The following ATP10A variants were observed in gnomAD, a reference collection of about 807,000 sequenced individuals.
ATP10A encodes the protein ATPase phospholipid transporting 10A (putative).
In ATP10A, 111 loss-of-function variants were observed where a neutral mutation model predicts 147.8. The observed-to-expected ratio is 0.75, with a 90% CI of 0.64 to 0.88. ATP10A has a LOEUF of 0.88. ATP10A is among the 40% of genes least tolerant of loss of function. The pLI is 0.00. For synonymous variants in ATP10A, 875 were observed against 841.6 expected (o/e 1.04, Z -0.69); for missense variants, 1,927 against 1,959.0 (o/e 0.98, Z 0.31).
At chr15:25,700,659 C>G (rs1900608129) in intron 13 of ATP10A, among the ~76,000 whole-genome samples, 2 of 152,000 alleles carry the variant, frequency 1.3e-5, no homozygotes, top group African/African-American at 4.8e-5. Context: ...TTGGTGGCTT[C>G]CAGAGGTTAG....
At chr15:25,745,562 A>G (rs1258981809) in intron 2 of ATP10A, among the ~76,000 whole-genome samples, 5 of 152,282 alleles carry the variant, frequency 3.3e-5, no homozygotes, top group African/African-American at 1.2e-4. Flanking sequence ...TCTCTGCTAT[A>G]AGAAAGAGAG....
chr15:25,685,128 A>G (rs538251136), intron 16 of ATP10A, among the ~76,000 whole-genome samples: 1 of 152,280 alleles, frequency 6.6e-6, no homozygotes, highest in Admixed American at 6.5e-5. Context: ...CTATAGTACC[A>G]AAAAGCTTTC....
intron 1 of ATP10A, among the ~76,000 whole-genome samples, chr15:25,838,110 G>A (rs1448355592): frequency 6.6e-6 from 1 of 152,062 alleles, no homozygotes; most frequent in Non-Finnish European, 1.5e-5. Flanking sequence ...AACGTGTAGA[G>A]CAATGATGAT....
chr15:25,709,333 C>T (rs566596778), intron 10 of ATP10A: 21 of 152,298 alleles, frequency 1.4e-4, no homozygotes, highest in African/African-American at 4.3e-4. Context: ...TCTTTGTATT[C>T]CTGGTATCGT....
At chr15:25,822,272 T>C (rs1396577844) in intron 1 of ATP10A, among the ~76,000 whole-genome samples, 1 of 152,186 alleles carries the variant, frequency 6.6e-6, no homozygotes, top group East Asian at 1.9e-4. Context: ...GCTGTGTGTG[T>C]TATTTACAAA....
rs1567382049 is a variant in ATP10A at position 25,784,948 on chromosome 15, G to GATT, written c.450-3726_450-3725insAAT. On this transcript the variant is annotated intron_variant, in intron 1 of 20. Coordinates refer to ENST00000555815, the MANE Select transcript of ATP10A (RefSeq NM_024490.4). ...AAAAAAAAAAAAAGAAAAAGAAAAG[G>GATT]CCCTGCAGTCCATGGGAATCCCTAC... is the stretch of plus-strand genomic sequence containing the variant. Among the ~76,000 whole-genome samples, 10 of 151,662 alleles carry GATT rather than the reference G, an allele frequency of 6.6e-5. No individual in the cohort carries two copies. In the East Asian group the frequency reaches 1.4e-3, roughly 21 times the overall value.
upstream of ATP10A, among the ~76,000 whole-genome samples, chr15:25,863,462 G>A (rs1893871312): frequency 6.6e-6 from 1 of 152,184 alleles, no homozygotes; most frequent in East Asian, 1.9e-4. Context: ...AACAAAAAAA[G>A]CCCGAGCTGG....
chr15:25,820,350 T>C (rs1248435681), intron 1 of ATP10A, among the ~76,000 whole-genome samples: 18 of 152,074 alleles, frequency 1.2e-4, no homozygotes, highest in Non-Finnish European at 4.4e-5. Flanking sequence ...ATGGAGAAAA[T>C]GGCAGTACTT....
In ATP10A at chr15:25,718,222, G is replaced by A; in HGVS notation, c.1541C>T (p.Ala514Val). Reference sequence around the variant, plus strand: ...GGCCGTGTGCTTGGACAGCATGCTGGCCCTCTTGGCCTCGGCCCGGCTGCC... The same window carrying A: ...GGCCGTGTGCTTGGACAGCATGCTGACCCTCTTGGCCTCGGCCCGGCTGCC... ...RTGSRAEAKRASMLSKHTAFS... is the reference protein window; with the variant it reads ...RTGSRAEAKRVSMLSKHTAFS... Residue 514 changes from alanine (A) to valine (V), a missense_variant, in exon 8 of 21, where the codon GCC becomes GTC. Ala to Val is a moderately conservative substitution (Grantham distance 64, BLOSUM62 0). Transcript: ENST00000555815. 1.9e-6 allele frequency: 3 copies of A among 1,613,040 alleles called. No homozygotes were observed. The highest frequency in any genetic ancestry group is 1.1e-5 in the South Asian group (1 of 91,042).
chr15:25,860,612 G>T (rs1341024073), intron 1 of ATP10A, among the ~76,000 whole-genome samples: 1 of 152,216 alleles, frequency 6.6e-6, no homozygotes, highest in African/African-American at 2.4e-5. Context: ...CAGTAAGGAA[G>T]AAGACAGAGT....
chr15:25,688,991 G>A (rs560274755), intron 15 of ATP10A, among the ~76,000 whole-genome samples: 4 of 152,258 alleles, frequency 2.6e-5, no homozygotes, highest in South Asian at 2.1e-4. Flanking sequence ...CACAGTCCCC[G>A]TCCTCCACAG....
At chr15:25,860,788 G>A (rs974608449) in intron 1 of ATP10A, among the ~76,000 whole-genome samples, 4 of 152,126 alleles carry the variant, frequency 2.6e-5, no homozygotes, top group Non-Finnish European at 4.4e-5. Flanking sequence ...TTTCCTCATC[G>A]GCAAGATGGG....
At position 25,806,746 on chromosome 15, in the gene ATP10A, C is replaced by A. The variant is rs148446364; in HGVS notation, c.450-25523G>T. ...GGTAATGCTTCCGGTCAACAGTAAG[C>A]TATCAGCAGTTAAGTTTCAGGGACT... On this transcript the variant is annotated intron_variant, in intron 1 of 20. Coordinates refer to ENST00000555815, the MANE Select transcript of ATP10A (RefSeq NM_024490.4). 2.0e-5 allele frequency among the ~76,000 whole-genome samples: 3 copies of A among 152,302 alleles called. No individual in the cohort carries two copies. In the East Asian group the frequency reaches 5.8e-4, roughly 29 times the overall value.
At chr15:25,672,880 G>C (rs1467892911), downstream of ATP10A, among the ~76,000 whole-genome samples, 2 of 152,170 alleles carry the variant, frequency 1.3e-5, no homozygotes, top group East Asian at 3.9e-4. Flanking sequence ...TGGTGCCTGG[G>C]AGGGAGAAGG....
rs1266811608 is a variant in ATP10A at position 25,863,150 on chromosome 15, C to T, written c.-54G>A. 11 of 1,089,604 alleles carry T rather than the reference C, an allele frequency of 1.0e-5. No homozygotes were observed. The highest frequency in any genetic ancestry group is 1.2e-5 in the Non-Finnish European group (11 of 893,960). 67.5% of individuals were successfully genotyped at this position (1,089,604 alleles called of 1,614,324 possible). On this transcript the variant is annotated 5_prime_UTR_variant, in exon 1 of 21. Transcript: ENST00000555815. ...CGCCGCTCACGCCCGCCCGCGCCGG[C>T]CTCTTAGGTTATCATCACTCGCGGC...
intron 2 of ATP10A, among the ~76,000 whole-genome samples, chr15:25,772,502 T>C (rs1889390018): frequency 6.6e-6 from 1 of 152,198 alleles, no homozygotes; most frequent in African/African-American, 2.4e-5. Flanking sequence ...CAGAATTTCC[T>C]GTCTGGTGGT....
intron 1 of ATP10A, among the ~76,000 whole-genome samples, chr15:25,855,063 A>AC (rs1567434997): frequency 2.0e-4 from 21 of 106,062 alleles, no homozygotes; most frequent in East Asian, 4.9e-4. Flanking sequence ...CCGTCTCACA[A>AC]AAAAAAAAAA....
At chr15:25,737,075 A>G (rs1342570815) in intron 2 of ATP10A, among the ~76,000 whole-genome samples, 1 of 152,228 alleles carries the variant, frequency 6.6e-6, no homozygotes, top group African/African-American at 2.4e-5. Context: ...TCCCAGTGTA[A>G]AGCGTACATT....
intron 3 of ATP10A, among the ~76,000 whole-genome samples, chr15:25,727,561 T>G (rs1902656648): frequency 6.6e-6 from 1 of 152,140 alleles, no homozygotes; most frequent in African/African-American, 2.4e-5. Context: ...TGATCACCAC[T>G]AGGAAGGGCA....
Sources: allele counts gnomAD v4.1 joint callset (sites outside exome capture counted in the v4.1 genomes callset), GRCh38; gene constraint gnomAD v4.1.1; transcripts MANE v1.5; gene names NCBI Gene and HGNC (gene_info 2026-07-23, HGNC 2026-07-21).